BCAS1: variants seen among roughly 807,000 people sequenced by gnomAD.
BCAS1 encodes breast carcinoma-amplified sequence 1.
In BCAS1, 46 loss-of-function variants were observed where a neutral mutation model predicts 65.4. The observed-to-expected ratio is 0.70, with a 90% CI of 0.55 to 0.90. The LOEUF (loss-of-function observed/expected upper bound fraction) is 0.90, where lower values mean the gene tolerates loss of function less well. BCAS1 is among the 40% of genes least tolerant of loss of function. The probability of loss-of-function intolerance (pLI) is 0.00; values close to 1 mark genes in which losing one functional copy is unlikely to be tolerated. For synonymous variants in BCAS1, 298 were observed against 293.5 expected, an observed-to-expected ratio of 1.02 and a Z score of -0.16; for missense variants, 793 against 771.2, an observed-to-expected ratio of 1.03 and a Z score of -0.33.
chr20:53,985,564 A>C, intron 7 of BCAS1, 65 bp from the exon 8 acceptor site: 1 of 1,427,462 alleles, frequency 7.0e-7, no homozygotes, highest in East Asian at 2.3e-5. Context: ...AAAATGGAAG[A>C]TCTCTTTTTA....
At position 54,058,701 on chromosome 20, in the gene BCAS1, A is replaced by G; in HGVS notation, c.18T>C (p.Ser6=). The G allele has an allele frequency of 1.2e-6, 2 of 1,610,228 alleles. No individual in the cohort carries two copies. The highest frequency in any genetic ancestry group is 4.5e-5 in the East Asian group (2 of 44,790). ...CTTGGTCTTCAACTCTTTGGGGAAC[A>G]CTCATTTGGTTACCCATTGCTCCTA... The part of the protein sequence containing the change: MGNQM[S]VPQRVEDQEN... The change falls in exon 2 of 13, where the codon AGT becomes AGC. Residue 6 remains serine (S), a synonymous_variant. Transcript: ENST00000688948.
intron 3 of BCAS1, among the ~76,000 whole-genome samples, chr20:54,054,280 T>C (rs1466766739): frequency 6.6e-6 from 1 of 152,128 alleles, no homozygotes; most frequent in Non-Finnish European, 1.5e-5. Flanking sequence ...ATTGTTTTAA[T>C]TGTAATTTTT....
At chr20:53,993,047 C>G (rs536021288) in intron 6 of BCAS1, among the ~76,000 whole-genome samples, 4 of 152,252 alleles carry the variant, frequency 2.6e-5, no homozygotes, top group African/African-American at 9.6e-5. Flanking sequence ...CTTTTTCATC[C>G]TGGAGTCAAA....
intron 9 of BCAS1, among the ~76,000 whole-genome samples, chr20:53,967,378 T>G (rs1055961075): frequency 6.6e-6 from 1 of 152,190 alleles, no homozygotes; most frequent in African/African-American, 2.4e-5. Flanking sequence ...TCAAATCTAG[T>G]AAGCCCACCT....
intron 9 of BCAS1, among the ~76,000 whole-genome samples, chr20:53,967,550 G>C (rs1022760595): frequency 2.6e-5 from 4 of 152,230 alleles, no homozygotes; most frequent in Non-Finnish European, 4.4e-5. Context: ...GTAGAAAGGA[G>C]AGTGTAAAAA....
intron 1 of BCAS1, among the ~76,000 whole-genome samples, chr20:54,062,280 G>A (rs1398082382): frequency 6.6e-6 from 1 of 152,132 alleles, no homozygotes; most frequent in Non-Finnish European, 1.5e-5. Context: ...ACAACATTTG[G>A]TGAGTGCTTA....
At chr20:53,996,872 C>G (rs2090929633) in intron 4 of BCAS1, among the ~76,000 whole-genome samples, 1 of 152,220 alleles carries the variant, frequency 6.6e-6, no homozygotes, top group African/African-American at 2.4e-5. Flanking sequence ...CTGCCTAAAT[C>G]TCCATCCTCT....
intron 3 of BCAS1, among the ~76,000 whole-genome samples, chr20:54,057,786 A>T (rs1214754996): frequency 4.6e-4 from 1 of 2,190 alleles, no homozygotes; most frequent in Non-Finnish European, 7.4e-4. Flanking sequence ...CAGGGAGGAG[A>T]TGGCCATATC....
intron 7 of BCAS1, among the ~76,000 whole-genome samples, chr20:53,990,884 A>T (rs1367863054): frequency 6.6e-6 from 1 of 152,236 alleles, no homozygotes; most frequent in Admixed American, 6.5e-5. Flanking sequence ...TGTCTGTGTT[A>T]CAGAATTCCA....
chr20:53,961,333 C>A (rs1252843318), intron 10 of BCAS1, among the ~76,000 whole-genome samples: 1 of 152,168 alleles, frequency 6.6e-6, no homozygotes, highest in Non-Finnish European at 1.5e-5. Context: ...ACTATATCTG[C>A]AATATTGTTT....
At chr20:53,951,471 C>CA (rs924343095) in intron 12 of BCAS1, among the ~76,000 whole-genome samples, 15 of 152,056 alleles carry the variant, frequency 9.9e-5, no homozygotes, top group Admixed American at 2.0e-4. Flanking sequence ...AACTCCATCT[C>CA]AAAAAAACAA....
At chr20:53,987,230 T>C (rs1015402981) in intron 7 of BCAS1, among the ~76,000 whole-genome samples, 1 of 152,228 alleles carries the variant, frequency 6.6e-6, no homozygotes, top group Non-Finnish European at 1.5e-5. Context: ...CAAGTTAAGA[T>C]AAAGAACTGA....
At chr20:54,035,747 A>G (rs909250397) in intron 3 of BCAS1, among the ~76,000 whole-genome samples, 1 of 151,318 alleles carries the variant, frequency 6.6e-6, no homozygotes, top group Admixed American at 6.6e-5. Context: ...ATAAAGATAC[A>G]TGCATGTGTA....
chr20:54,049,439 A>G (rs557044630), intron 3 of BCAS1, among the ~76,000 whole-genome samples: 45 of 152,332 alleles, frequency 3.0e-4, no homozygotes, highest in African/African-American at 1.1e-3. Flanking sequence ...AAGAAGGCCA[A>G]AAATCAGGCA....
At chr20:53,979,995 T>C (rs2090437047) in intron 8 of BCAS1, among the ~76,000 whole-genome samples, 1 of 152,178 alleles carries the variant, frequency 6.6e-6, no homozygotes, top group South Asian at 2.1e-4. Context: ...CGGAACCCCT[T>C]ATAAACAGAC....
Position 53,985,287 on chromosome 20 carries a change from C to A in BCAS1, c.1275G>T (p.Lys425Asn), listed in dbSNP as rs753874050. The A allele has an allele frequency of 6.2e-6, 10 of 1,612,694 alleles. No individual in the cohort carries two copies. The South Asian group carries it at 6.6e-5, about 11-fold the overall frequency. ...SLPLGKLFWK[K>N]SVKEDSVPTG... The stretch of plus-strand genomic sequence containing the variant: ...TCTAACGCTTGAAAATCAGACTTAC[C>A]TTTTTCCAAAACAGTTTGCCCAGAG... Residue 425 changes from lysine (K) to asparagine (N), a missense_variant and splice_region_variant, in exon 8 of 13, where the codon AAG becomes AAT. Lys to Asn is a moderately conservative substitution (Grantham distance 94). Coordinates refer to ENST00000688948, the MANE Select transcript of BCAS1 (RefSeq NM_001366298.2).
rs758863371 is a variant in BCAS1 at position 54,028,700 on chromosome 20, T to G, written c.415A>C (p.Thr139Pro). 1.2e-6 allele frequency: 2 copies of G among 1,614,188 alleles called. No homozygotes were observed. Among genetic ancestry groups the G allele is most frequent in the Non-Finnish European group, 1.7e-6 (2 of 1,180,030 alleles). Reference sequence around the variant, plus strand: ...CCCGGTCCAGCTGCCACCGGAAGTGTCCAGCTCTCACTTGGGTCTTTGTTC... The same window carrying G: ...CCCGGTCCAGCTGCCACCGGAAGTGGCCAGCTCTCACTTGGGTCTTTGTTC... Reference protein sequence around the residue: ...PANKDPSESWTLPVAAGPGQD... With the variant: ...PANKDPSESWPLPVAAGPGQD... Residue 139 changes from threonine to proline, a missense_variant, in exon 4 of 13, where the codon ACA becomes CCA. Coordinates refer to ENST00000688948, the MANE Select transcript of BCAS1 (RefSeq NM_001366298.2).
At chr20:53,964,983 G>C (rs1401079004) in intron 10 of BCAS1, among the ~76,000 whole-genome samples, 1 of 151,814 alleles carries the variant, frequency 6.6e-6, no homozygotes, top group African/African-American at 2.4e-5. Context: ...GAGATATTTG[G>C]GGATCCCATT....
At chr20:54,026,165 T>C (rs1269915653) in intron 4 of BCAS1, among the ~76,000 whole-genome samples, 1 of 152,172 alleles carries the variant, frequency 6.6e-6, no homozygotes, top group Non-Finnish European at 1.5e-5. Context: ...AGGAAGACAG[T>C]TACAATTCTT....
Sources: gnomAD v4.1 joint callset for allele counts (sites outside exome capture counted in the v4.1 genomes callset) on GRCh38, gnomAD v4.1.1 for gene constraint, MANE v1.5 for transcripts, NCBI Gene and HGNC (gene_info 2026-07-23, HGNC 2026-07-21) for gene names.